CAMK2D: variants seen among roughly 807,000 people sequenced by gnomAD.
CAMK2D encodes calcium/calmodulin-dependent protein kinase type II subunit delta.
CAMK2D carries 37 observed loss-of-function variants against 84.0 expected under a neutral mutation model. The observed-to-expected ratio is 0.44, with a 90% CI of 0.34 to 0.58. The LOEUF (loss-of-function observed/expected upper bound fraction) is 0.58, where lower values mean the gene tolerates loss of function less well. Among genes scored for constraint, CAMK2D ranks in the 20% least tolerant of loss-of-function variants. CAMK2D has a pLI of 0.02. For synonymous variants in CAMK2D, 202 were observed against 212.5 expected (o/e 0.95, Z 0.43); for missense variants, 448 against 652.5 (o/e 0.69, Z 3.41).
intron 2 of CAMK2D, among the ~76,000 whole-genome samples, chr4:113,719,313 C>T (rs2099523181): frequency 1.3e-5 from 2 of 152,126 alleles, no homozygotes; most frequent in Non-Finnish European, 2.9e-5. Context: ...CAGTTCTGGC[C>T]AACATGGTAA....
intron 2 of CAMK2D, among the ~76,000 whole-genome samples, chr4:113,721,676 G>A (rs1256239711): frequency 6.6e-6 from 1 of 152,118 alleles, no homozygotes; most frequent in Admixed American, 6.6e-5. Flanking sequence ...TCTCTTATCT[G>A]AATAAAAGTA....
intron 13 of CAMK2D, among the ~76,000 whole-genome samples, 172 bp downstream of exon 13, chr4:113,509,466 A>C (rs1403062184): frequency 6.6e-6 from 1 of 152,218 alleles, no homozygotes; most frequent in East Asian, 1.9e-4. Flanking sequence ...GCTTTTCTTG[A>C]TATAAATGTT....
rs1032383101 is a variant in CAMK2D, at chr4:113,582,437, A to G, written c.275+26715T>C. Among the ~76,000 whole-genome samples, 28 of 152,230 alleles carry G rather than the reference A, an allele frequency of 1.8e-4. 1 individual carries two copies. Among genetic ancestry groups the G allele is most frequent in the Admixed American group, 7.9e-4 (12 of 15,286 alleles). On this transcript the variant is annotated intron_variant, in intron 4 of 20. Transcript: ENST00000511664. Reference sequence around the variant, plus strand: ...TTTTGGTGTATAGTTCTGAGTTTCGACAAACACATATCGTCGTGTAACCAT... The same window carrying G: ...TTTTGGTGTATAGTTCTGAGTTTCGGCAAACACATATCGTCGTGTAACCAT...
Position 113,717,654 on chromosome 4 carries a change from A to G in CAMK2D, c.160+41666T>C, listed in dbSNP as rs190282171. On this transcript the variant is annotated intron_variant, in intron 2 of 20. Coordinates refer to ENST00000511664, the MANE Select transcript of CAMK2D (RefSeq NM_001321571.2). ...AAATCTCTATTCTCTAATTTTAAATAGCAAAGATGGTGGAGAGAGTTGAAT... is the reference window on the plus strand; with the variant it reads ...AAATCTCTATTCTCTAATTTTAAATGGCAAAGATGGTGGAGAGAGTTGAAT... Among the ~76,000 whole-genome samples, 331 of 152,280 alleles carry G rather than the reference A, an allele frequency of 2.2e-3. 1 individual carries two copies. Among genetic ancestry groups the G allele is most frequent in the African/African-American group, 7.7e-3 (319 of 41,582 alleles).
At chr4:113,470,409 G>T (rs1283911479) in intron 16 of CAMK2D, among the ~76,000 whole-genome samples, 1 of 152,120 alleles carries the variant, frequency 6.6e-6, no homozygotes, top group Non-Finnish European at 1.5e-5. Context: ...ACTTGGAGAG[G>T]CCGAGGCGGG....
chr4:113,603,773 TTATATA>T (rs139576985), intron 4 of CAMK2D, among the ~76,000 whole-genome samples: 17 of 127,966 alleles, frequency 1.3e-4, no homozygotes, highest in South Asian at 1.2e-3. Flanking sequence ...TCTTGCTATT[TTATATA>T]TATATATATA....
At chr4:113,481,358 T>C (rs1014863574) in intron 16 of CAMK2D, among the ~76,000 whole-genome samples, 7 of 152,168 alleles carry the variant, frequency 4.6e-5, no homozygotes, top group Non-Finnish European at 1.0e-4. Context: ...TACAGAAACT[T>C]ACATTTTAGT....
chr4:113,596,878 G>A (rs2098929451), intron 4 of CAMK2D, among the ~76,000 whole-genome samples: 1 of 150,844 alleles, frequency 6.6e-6, no homozygotes, highest in Non-Finnish European at 1.5e-5. Flanking sequence ...GGAGTGCAGT[G>A]GCATGATCTC....
At chr4:113,657,979 G>A (rs1481808756) in intron 3 of CAMK2D, among the ~76,000 whole-genome samples, 3 of 152,238 alleles carry the variant, frequency 2.0e-5, no homozygotes, top group Middle Eastern at 6.8e-3. Context: ...GGGAAATCAA[G>A]AGCAAATGCT....
intron 16 of CAMK2D, among the ~76,000 whole-genome samples, chr4:113,494,157 A>G (rs1003004722): frequency 1.3e-5 from 2 of 152,244 alleles, no homozygotes; most frequent in South Asian, 2.1e-4. Flanking sequence ...GTCATTCTCC[A>G]TCCAGCTTTG....
intron 4 of CAMK2D, among the ~76,000 whole-genome samples, chr4:113,553,617 AT>A (rs2098644789): frequency 6.6e-6 from 1 of 152,138 alleles, no homozygotes; most frequent in Admixed American, 6.6e-5. Context: ...GCCTCTCTTA[AT>A]TGCATTCTGG....
intron 3 of CAMK2D, among the ~76,000 whole-genome samples, chr4:113,633,461 C>A (rs552424948): frequency 3.9e-5 from 6 of 152,266 alleles, no homozygotes; most frequent in African/African-American, 1.4e-4. Context: ...AAGTCCAATA[C>A]CAGCAGTCAC....
chr4:113,524,897 C>G (rs868733668), intron 8 of CAMK2D, among the ~76,000 whole-genome samples: 1 of 152,222 alleles, frequency 6.6e-6, no homozygotes, highest in Non-Finnish European at 1.5e-5. Context: ...GCTCCATGAA[C>G]TGAAGACTGT....
rs780889115 is a variant in CAMK2D at position 113,509,669 on chromosome 4, T to C, written c.953A>G (p.Lys318Arg). The C allele has an allele frequency of 2.8e-5, 45 of 1,608,376 alleles. No individual in the cohort carries two copies. The highest frequency in any genetic ancestry group is 3.7e-5 in the Non-Finnish European group (44 of 1,174,752). Residue 318 changes from lysine to arginine, a missense_variant, in exon 13 of 21, where the codon AAG (lysine) becomes AGG (arginine). Physicochemically the swap from Lys to Arg is conservative, Grantham distance 26. This residue lies in a region of CAMK2D where 219 missense variants were observed against 272.1 expected (regional missense o/e 0.80). Coordinates refer to ENST00000511664, the MANE Select transcript of CAMK2D (RefSeq NM_001321571.2). ...TCCATCTGGTTTCTTCAACAAACTCTTGGCTGCTGTAAAATGAGAGTAAAA... is the reference window on the plus strand; with the variant it reads ...TCCATCTGGTTTCTTCAACAAACTCCTGGCTGCTGTAAAATGAGAGTAAAA... The part of the protein sequence containing the change: ...MLATRNFSAA[K>R]SLLKKPDGVK...
At chr4:113,734,484 T>A (rs942334381) in intron 2 of CAMK2D, among the ~76,000 whole-genome samples, 1 of 152,190 alleles carries the variant, frequency 6.6e-6, no homozygotes, top group Non-Finnish European at 1.5e-5. Flanking sequence ...GTAATTTTTT[T>A]ATTTATCCAC....
intron 3 of CAMK2D, among the ~76,000 whole-genome samples, chr4:113,615,302 T>C (rs1343037366): frequency 2.0e-5 from 3 of 151,974 alleles, no homozygotes; most frequent in African/African-American, 7.2e-5. Flanking sequence ...TAATTTTATA[T>C]CTACATACAC....
intron 3 of CAMK2D, among the ~76,000 whole-genome samples, chr4:113,649,596 G>A (rs13120179): frequency 0.047 from 7,108 of 152,086 alleles, 384 homozygotes; most frequent in Admixed American, 0.14. Flanking sequence ...GTGCTCCCAT[G>A]GCACCTTATT....
chr4:113,458,666 G>A (rs1311249394), intron 18 of CAMK2D, among the ~76,000 whole-genome samples: 1 of 152,162 alleles, frequency 6.6e-6, no homozygotes, highest in Non-Finnish European at 1.5e-5. Flanking sequence ...TTTTGTTAAA[G>A]AGAATTTATC....
chr4:113,722,803 C>G (rs979083346), intron 2 of CAMK2D, among the ~76,000 whole-genome samples: 4 of 152,132 alleles, frequency 2.6e-5, no homozygotes, highest in African/African-American at 7.2e-5. Flanking sequence ...TGCAGTTAAG[C>G]CTGTTCCAAA....
Sources: gnomAD v4.1 joint callset for allele counts (sites outside exome capture counted in the v4.1 genomes callset) on GRCh38, gnomAD v4.1.1 for gene constraint, gnomAD v4.1.1 regional missense constraint, MANE v1.5 for transcripts, NCBI Gene and HGNC (gene_info 2026-07-23, HGNC 2026-07-21) for gene names.